The following EEF1G variants were observed in gnomAD, a reference collection of about 807,000 sequenced individuals.
The protein encoded by EEF1G is elongation factor 1-gamma.
EEF1G carries 14 observed loss-of-function variants against 58.3 expected under a neutral mutation model. The observed-to-expected ratio is 0.24, with a 90% confidence interval of 0.16 to 0.38. EEF1G has a LOEUF of 0.38. Ranked by LOEUF, EEF1G falls within the 10% of genes least tolerant of loss-of-function variation. The probability of loss-of-function intolerance (pLI) is 1.00; values close to 1 mark genes in which losing one functional copy is unlikely to be tolerated. For missense variants in EEF1G, 322 were observed against 550.1 expected (o/e 0.59, Z 4.15); for synonymous variants, 180 against 206.8 (o/e 0.87, Z 1.11).
At chr11:62,566,311 T>C (rs1188992110) in intron 7 of EEF1G, among the ~76,000 whole-genome samples, 4 of 152,234 alleles carry the variant, frequency 2.6e-5, no homozygotes, top group Non-Finnish European at 5.9e-5. Context: ...ACTACTTAGC[T>C]ATGATCTTCA....
At chr11:62,572,454 T>G in intron 2 of EEF1G, 130 bp downstream of exon 2, 2 of 1,262,066 alleles carry the variant, frequency 1.6e-6, no homozygotes, top group Non-Finnish European at 2.2e-6. Flanking sequence ...TATCTCAAAA[T>G]AAAATCACCG....
chr11:62,560,493 G>A (rs766353685), intron 7 of EEF1G, 39 bp from the exon 8 acceptor site: 11 of 1,594,956 alleles, frequency 6.9e-6, no homozygotes, highest in Middle Eastern at 1.7e-4. Flanking sequence ...CAATAAGGAG[G>A]AAGGTTGCCA....
chr11:62,571,843 T>C lies in EEF1G; in HGVS notation c.230A>G (p.Tyr77Cys). The change falls in exon 3 of 10, where the codon TAC becomes TGC. Residue 77 changes from tyrosine to cysteine, a missense_variant. Physicochemically the swap from Tyr to Cys is radical, Grantham distance 194. This residue lies in a region of EEF1G where 52 missense variants were observed against 139.4 expected (regional missense o/e 0.37). Coordinates refer to ENST00000329251, the MANE Select transcript of EEF1G (RefSeq NM_001404.5). ...FCVFESNAIAYYVSNEELRGS... is the reference protein window; with the variant it reads ...FCVFESNAIACYVSNEELRGS... Reference sequence around the variant, plus strand: ...CATATACCCCTGCAAATTACCATAGTAGGCAATGGCGTTGCTCTCAAACAC... The same window carrying C: ...CATATACCCCTGCAAATTACCATAGCAGGCAATGGCGTTGCTCTCAAACAC... The C allele has an allele frequency of 6.3e-7, 1 of 1,588,606 alleles. No homozygotes were observed. Among genetic ancestry groups the C allele is most frequent in the Non-Finnish European group, 8.6e-7 (1 of 1,167,358 alleles).
At chr11:62,573,009 A>C (rs1421327243) in intron 1 of EEF1G, 4 of 279,978 alleles carry the variant, frequency 1.4e-5, no homozygotes, top group Non-Finnish European at 2.7e-5. Flanking sequence ...TCTTCCTCTC[A>C]AATCTATCTC....
At chr11:62,570,886 C>T in intron 5 of EEF1G, 79 bp downstream of exon 5, 1 of 1,589,434 alleles carries the variant, frequency 6.3e-7, no homozygotes. Context: ...CAGCAGAATA[C>T]AGGGTAACCT....
intron 7 of EEF1G, among the ~76,000 whole-genome samples, 181 bp from the exon 8 acceptor site, chr11:62,560,635 C>T (rs964362554): frequency 2.0e-5 from 3 of 152,174 alleles, no homozygotes; most frequent in Non-Finnish European, 4.4e-5. Context: ...CTAGGACACT[C>T]CTCTGCATAA....
intron 5 of EEF1G, among the ~76,000 whole-genome samples, chr11:62,569,067 G>A (rs1268217224): frequency 2.7e-5 from 4 of 150,786 alleles, no homozygotes; most frequent in African/African-American, 9.7e-5. Flanking sequence ...ATCTATATTG[G>A]CCATACTATA....
intron 5 of EEF1G, among the ~76,000 whole-genome samples, chr11:62,569,304 A>G (rs7928833): frequency 0.26 from 39,417 of 151,926 alleles, 6,037 homozygotes; most frequent in Non-Finnish European, 0.36. Flanking sequence ...GCAAAACCCC[A>G]TCTCTGCTAA....
At chr11:62,573,700 C>T in intron 1 of EEF1G, 131 bp downstream of exon 1, 1 of 1,309,602 alleles carries the variant, frequency 7.6e-7, no homozygotes. Flanking sequence ...TACTCTCCAG[C>T]AGTACAGTCT....
At position 62,567,504 on chromosome 11, in the gene EEF1G, C is replaced by A. The variant is rs773579698; in HGVS notation, c.547G>T (p.Ala183Ser). The change falls in exon 6 of 10, where the codon GCC (alanine) becomes TCC (serine). Residue 183 changes from alanine (A) to serine (S), a missense_variant. This residue lies in a region of EEF1G where 208 missense variants were observed against 323.7 expected (regional missense o/e 0.64). Transcript: ENST00000329251. ...AACCAGCGGTTGGTATTGGGAAAGG[C>A]CTGGCGGAAAGAAGGCTCTAGAACC... ...KQVLEPSFRQ[A>S]FPNTNRWFLT... is the part of the protein sequence containing the mutation. 27 of 1,609,508 alleles carry A rather than the reference C, an allele frequency of 1.7e-5. No homozygotes were observed. The highest frequency in any genetic ancestry group is 1.8e-5 in the Non-Finnish European group (21 of 1,177,860).
intron 7 of EEF1G, among the ~76,000 whole-genome samples, chr11:62,563,549 C>T (rs1353887254): frequency 2.6e-5 from 4 of 152,186 alleles, no homozygotes; most frequent in Non-Finnish European, 5.9e-5. Flanking sequence ...CAAGACCCTA[C>T]CTCAAAAACA....
At chr11:62,560,568 C>T (rs1159649026) in intron 7 of EEF1G, 114 bp from the exon 8 acceptor site, 4 of 1,178,402 alleles carry the variant, frequency 3.4e-6, no homozygotes, top group Non-Finnish European at 3.6e-6. Flanking sequence ...GGTCATTGTG[C>T]TGGCAGATGT....
Position 62,571,239 on chromosome 11 carries a change from C to T in EEF1G, c.379-131G>A, listed in dbSNP as rs1000630294. On this transcript the variant is annotated intron_variant, in intron 4 of 9. Coordinates refer to ENST00000329251, the MANE Select transcript of EEF1G (RefSeq NM_001404.5). ...CACCCTCACTCTCTTTCAATGGAGG[C>T]AGATCCTAGGGTCATTCTAAATGTA... 3.6e-6 allele frequency: 5 copies of T among 1,401,890 alleles called. No homozygotes were observed. In the African/African-American group the frequency reaches 4.3e-5, roughly 12 times the overall value. The allele number at this position is 1,401,890 out of a possible 1,614,324, so 86.8% of individuals were successfully genotyped here. A position where few individuals can be genotyped will look rare whatever the true frequency, so the allele number is the denominator to read the frequency against.
chr11:62,559,873 A>G, intron 9 of EEF1G, 36 bp from the exon 10 acceptor site: 1 of 1,613,756 alleles, frequency 6.2e-7, no homozygotes, highest in Non-Finnish European at 8.5e-7. Context: ...TCAAGTTATG[A>G]GACACCACCC....
rs1439659444 is a variant in EEF1G, at chr11:62,560,411, C to T, written c.901G>A (p.Asp301Asn). The T allele has an allele frequency of 6.2e-7, 1 of 1,610,018 alleles. No individual in the cohort carries two copies. The change falls in exon 8 of 10, where the codon GAC becomes AAC. Residue 301 changes from aspartate (D) to asparagine (N), a missense_variant. Coordinates refer to ENST00000329251, the MANE Select transcript of EEF1G (RefSeq NM_001404.5). ...TATGGCAGTGCCACAGAGAGTGTGT[C>T]CTCATTGGAGTACTTGCGCTTAAAT... ...DEFKRKYSNE[D>N]TLSVALPYFW...
chr11:62,560,768 C>G (rs1590706229), intron 7 of EEF1G, among the ~76,000 whole-genome samples: 1 of 152,092 alleles, frequency 6.6e-6, no homozygotes, highest in Non-Finnish European at 1.5e-5. Context: ...CCTGTTCAGG[C>G]CCTCCCCAGG....
At chr11:62,567,643 A>G (rs1440643453) in intron 5 of EEF1G, 115 bp from the exon 6 acceptor site, 1 of 1,009,772 alleles carries the variant, frequency 9.9e-7, no homozygotes, top group African/African-American at 1.6e-5. Context: ...TTCAAACCCT[A>G]TAGACAATAG....
intron 7 of EEF1G, among the ~76,000 whole-genome samples, chr11:62,561,682 C>CAAAAAAAAAAA (rs58957254): frequency 6.4e-5 from 8 of 124,590 alleles, no homozygotes; most frequent in South Asian, 2.5e-4. Context: ...AAAAAAAAAA[C>CAAAAAAAAAAA]AAAAAAAAAA....
chr11:62,564,284 G>A (rs934521774), intron 7 of EEF1G, among the ~76,000 whole-genome samples: 2 of 152,034 alleles, frequency 1.3e-5, no homozygotes, highest in Non-Finnish European at 2.9e-5. Flanking sequence ...CCAACATGGT[G>A]AAACCCCATC....
Sources: allele counts gnomAD v4.1 joint callset (sites outside exome capture counted in the v4.1 genomes callset), GRCh38; gene constraint gnomAD v4.1.1; regional missense constraint gnomAD v4.1.1; transcripts MANE v1.5; gene names NCBI Gene and HGNC (gene_info 2026-07-23, HGNC 2026-07-21).